DMD: variants seen among roughly 807,000 people sequenced by gnomAD.
DMD encodes dystrophin.
Under a neutral mutation model 330.1 loss-of-function variants are expected in DMD, and 63 were observed. The observed-to-expected ratio is 0.19, with a 90% CI of 0.16 to 0.24. DMD has a LOEUF of 0.24. DMD is among the 10% of genes least tolerant of loss of function. DMD has a pLI of 1.00. For synonymous variants in DMD, 1,223 were observed against 959.8 expected, an observed-to-expected ratio of 1.27 and a Z score of -5.07; for missense variants, 3,344 against 2,684.1, an observed-to-expected ratio of 1.25 and a Z score of -5.43.
At chrX:33,059,432 G>A (rs972368037) in intron 1 of DMD, among the ~76,000 whole-genome samples, 23 of 108,884 alleles carry the variant, frequency 2.1e-4, no homozygotes, top group African/African-American at 4.7e-4. Context: ...TATATAAGTC[G>A]GATTTATTGG....
chrX:32,516,033 G>T (rs776704000), intron 18 of DMD, among the ~76,000 whole-genome samples: 2 of 110,220 alleles, frequency 1.8e-5, no homozygotes, highest in South Asian at 7.8e-4. Context: ...CATTTGAAAG[G>T]AGTAAATGAA....
chrX:31,451,100 T>A lies in DMD; in HGVS notation c.8938-6473A>T, dbSNP rs757711375. Among the ~76,000 whole-genome samples the A allele has an allele frequency of 4.4e-3, 457 of 104,821 alleles. 7 individuals are homozygous for A. Among genetic ancestry groups the A allele is most frequent in the African/African-American group, 0.014 (405 of 28,201 alleles). The allele number at this position is 104,821 out of a possible 115,157, so 91.0% of individuals were successfully genotyped here. A position where few individuals can be genotyped will look rare whatever the true frequency, so the allele number is the denominator to read the frequency against. ...CAGTTGTCAAGCACTTATATTTTGTTTTTTTTTTTTTTTCAGGAGACTTTT... is the reference window on the plus strand; with the variant it reads ...CAGTTGTCAAGCACTTATATTTTGTATTTTTTTTTTTTTCAGGAGACTTTT... On this transcript the variant is annotated intron_variant, in intron 59 of 78. Coordinates refer to ENST00000357033, the MANE Select transcript of DMD (RefSeq NM_004006.3).
intron 17 of DMD, among the ~76,000 whole-genome samples, chrX:32,535,316 G>T (rs2047851640): frequency 8.9e-6 from 1 of 111,761 alleles, no homozygotes; most frequent in South Asian, 3.7e-4. Context: ...GTATTAGAGG[G>T]ATATACATTT....
chrX:32,106,360 CTCAAGAAAAGGATAGAAGTCTAG>C (rs1023595746), intron 44 of DMD, among the ~76,000 whole-genome samples: 1 of 111,711 alleles, frequency 9.0e-6, no homozygotes, highest in Non-Finnish European at 1.9e-5. Context: ...ATGAGCTCAA[CTCAAGAAAAGGATAGAAGTCTAG>C]TCAGGAAAAG....
intron 1 of DMD, among the ~76,000 whole-genome samples, chrX:33,134,285 C>A (rs962408531): frequency 1.8e-4 from 20 of 111,586 alleles, no homozygotes; most frequent in African/African-American, 6.2e-4. Flanking sequence ...GAAGCAAAAA[C>A]CTTCCCCACT....
intron 13 of DMD, among the ~76,000 whole-genome samples, chrX:32,591,076 T>A (rs185207781): frequency 5.6e-4 from 62 of 110,590 alleles, no homozygotes; most frequent in South Asian, 4.7e-3. Context: ...CAGGCTAATC[T>A]TTGAACTTCT....
intron 42 of DMD, among the ~76,000 whole-genome samples, chrX:32,301,591 T>A (rs1469819012): frequency 9.0e-6 from 1 of 111,240 alleles, no homozygotes; most frequent in East Asian, 2.8e-4. Context: ...ATAATTTTAA[T>A]ATGTTCATGG....
Position 31,824,515 on chromosome X carries a change from T to A in DMD, c.7201-4432A>T, listed in dbSNP as rs1355662793. Among the ~76,000 whole-genome samples, 5 of 111,980 alleles carry A rather than the reference T, an allele frequency of 4.5e-5. No individual in the cohort carries two copies. The South Asian group carries it at 1.1e-3, about 25-fold the overall frequency. On this transcript the variant is annotated intron_variant, in intron 49 of 78. Transcript: ENST00000357033. ...ATCTGCCCATCTTGGCCTCCCAATG[T>A]GCTGGGATTGCAGGCATGAGCCACT...
rs773358704 is a variant in DMD at position 32,518,090 on chromosome X, C to T, written c.2210G>A (p.Arg737His). 25 of 1,208,090 alleles carry T rather than the reference C, an allele frequency of 2.1e-5. No individual in the cohort carries two copies. In the South Asian group the frequency reaches 3.2e-4, roughly 15 times the overall value. Residue 737 changes from arginine to histidine, a missense_variant, in exon 18 of 79, where the codon CGC becomes CAC. Physicochemically the swap from Arg to His is conservative, Grantham distance 29 (BLOSUM62 0). Transcript: ENST00000357033. ...DITELHSWIT[R>H]SEAVLQSPEF... ...AGGACTCTGCAACACAGCTTCTGAGCGAGTAATCCAGCTGTGAAGTTCAGT... is the reference window on the plus strand; with the variant it reads ...AGGACTCTGCAACACAGCTTCTGAGTGAGTAATCCAGCTGTGAAGTTCAGT...
In DMD at chrX:31,119,879, A is replaced by AG. The variant is rs1407779088; in HGVS notation, c.*2039dup. On this transcript the variant is annotated 3_prime_UTR_variant, in exon 79 of 79. Coordinates refer to ENST00000357033, the MANE Select transcript of DMD (RefSeq NM_004006.3). ...TTCTTTTGAAAATTATGAAGGAAAA[A>AG]GAAAGAATTATAAAGGAAAAAGAAA... 9.0e-6 allele frequency: 1 copy of AG among 111,707 alleles called. No individual in the cohort carries two copies. The highest frequency in any genetic ancestry group is 3.3e-5 in the African/African-American group (1 of 30,424). 9.2% of individuals were successfully genotyped at this position (111,707 alleles called of 1,213,427 possible).
chrX:32,605,704 A>G (rs764171441), intron 12 of DMD, among the ~76,000 whole-genome samples: 1 of 111,224 alleles, frequency 9.0e-6, no homozygotes, highest in Non-Finnish European at 1.9e-5. Context: ...AAGAAGAAAA[A>G]TAGATAACCC....
rs186876852 is a variant in DMD, at chrX:33,292,522, G to T, written c.7+46737C>A. The stretch of plus-strand genomic sequence containing the variant: ...GTTTTAAATTTGTAATACAAATTAC[G>T]ATGGGGTGCGGATTTCCTAGGCCAG... On this transcript the variant is annotated intron_variant, in intron 1 of 17. Transcript: ENST00000288447. Among the ~76,000 whole-genome samples the T allele has an allele frequency of 2.2e-3, 243 of 110,443 alleles. 1 individual carries two copies. The highest frequency in any genetic ancestry group is 3.8e-3 in the Non-Finnish European group (200 of 52,661).
At chrX:31,802,013 G>A (rs1238740700) in intron 50 of DMD, among the ~76,000 whole-genome samples, 6 of 111,023 alleles carry the variant, frequency 5.4e-5, no homozygotes, top group African/African-American at 1.6e-4. Context: ...TATGTGCAAT[G>A]GCTTTAAAAA....
At position 32,031,887 on chromosome X, in the gene DMD, T is replaced by C. The variant is rs778222934; in HGVS notation, c.6439-63373A>G. ...AAATTTGCTTTTCAGCTAGCATTCA[T>C]TCACTAAAAGGTCTTTGTACACCTA... is the stretch of plus-strand genomic sequence containing the variant. On this transcript the variant is annotated intron_variant, in intron 44 of 78. Coordinates refer to ENST00000357033, the MANE Select transcript of DMD (RefSeq NM_004006.3). Among the ~76,000 whole-genome samples the C allele has an allele frequency of 7.1e-5, 8 of 112,156 alleles. No homozygotes were observed. In the East Asian group the frequency reaches 2.0e-3, roughly 28 times the overall value.
intron 60 of DMD, among the ~76,000 whole-genome samples, chrX:31,432,891 T>G (rs1237388863): frequency 1.8e-5 from 2 of 112,702 alleles, no homozygotes; most frequent in Admixed American, 9.4e-5. Context: ...TTTGATATTT[T>G]ATATTTTTAG....
chrX:33,062,856 A>G (rs890284467), intron 1 of DMD, among the ~76,000 whole-genome samples: 7 of 112,474 alleles, frequency 6.2e-5, no homozygotes, highest in African/African-American at 2.3e-4. Context: ...ATGAAGCTTT[A>G]ATGCACCAAA....
chrX:31,839,571 T>A (rs2093274266), intron 48 of DMD, among the ~76,000 whole-genome samples: 1 of 112,066 alleles, frequency 8.9e-6, no homozygotes, highest in East Asian at 2.8e-4. Flanking sequence ...AAATTTTACA[T>A]CTTCACGTTA....
chrX:31,689,093 A>G (rs747812436), intron 52 of DMD, among the ~76,000 whole-genome samples: 11 of 111,904 alleles, frequency 9.8e-5, no homozygotes, highest in African/African-American at 3.6e-4. Flanking sequence ...ACTCCTATTC[A>G]ACATAGTGTT....
At chrX:31,579,351 C>T (rs1022262569) in intron 55 of DMD, among the ~76,000 whole-genome samples, 2 of 112,262 alleles carry the variant, frequency 1.8e-5, no homozygotes, top group Non-Finnish European at 3.8e-5. Flanking sequence ...GCAAAGAGTT[C>T]GCTAGAGCCA....
Sources: gnomAD v4.1 joint callset for allele counts (sites outside exome capture counted in the v4.1 genomes callset) on GRCh38, gnomAD v4.1.1 for gene constraint, MANE v1.5 for transcripts, NCBI Gene and HGNC (gene_info 2026-07-23, HGNC 2026-07-21) for gene names.